TTC29: variants seen among roughly 807,000 people sequenced by gnomAD.
The protein encoded by TTC29 is tetratricopeptide repeat protein 29.
Under a neutral mutation model 58.1 loss-of-function variants are expected in TTC29, and 49 were observed. The ratio of observed to expected loss-of-function variants is 0.84; its 90% CI spans 0.67 to 1.07. TTC29 has a LOEUF of 1.07. Among genes scored for constraint, TTC29 ranks in the 50% least tolerant of loss-of-function variants. TTC29 has a pLI of 0.00. For synonymous variants in TTC29, 209 were observed against 196.8 expected (o/e 1.06, Z -0.52); for missense variants, 582 against 555.6 (o/e 1.05, Z -0.48).
At chr4:146,746,186 G>T (rs1194957223) in intron 11 of TTC29, among the ~76,000 whole-genome samples, 1 of 152,060 alleles carries the variant, frequency 6.6e-6, no homozygotes, top group Non-Finnish European at 1.5e-5. Context: ...TTTGTGAACA[G>T]CAGTAGTCAC....
chr4:146,895,548 G>C (rs534529714), intron 6 of TTC29, among the ~76,000 whole-genome samples: 1 of 152,200 alleles, frequency 6.6e-6, no homozygotes, highest in East Asian at 1.9e-4. Context: ...TCTCAAGGAG[G>C]GTGATCTTTG....
chr4:146,750,868 A>G (rs1390796995), intron 11 of TTC29, among the ~76,000 whole-genome samples: 1 of 152,236 alleles, frequency 6.6e-6, no homozygotes, highest in Non-Finnish European at 1.5e-5. Context: ...CTTTACCTAT[A>G]TCGATAATAA....
At chr4:146,804,803 G>T (rs1048472778) in intron 10 of TTC29, among the ~76,000 whole-genome samples, 3 of 152,196 alleles carry the variant, frequency 2.0e-5, no homozygotes, top group Non-Finnish European at 4.4e-5. Flanking sequence ...GGCTGTGGGC[G>T]CAGCTTCAGC....
chr4:146,753,145 C>G (rs1371030531), intron 11 of TTC29, among the ~76,000 whole-genome samples: 2 of 152,054 alleles, frequency 1.3e-5, no homozygotes, highest in African/African-American at 2.4e-5. Context: ...TTTTTGCAAC[C>G]TACTCATCTG....
chr4:146,813,243 G>A (rs1305672319), intron 10 of TTC29, among the ~76,000 whole-genome samples: 1 of 152,112 alleles, frequency 6.6e-6, no homozygotes, highest in Non-Finnish European at 1.5e-5. Context: ...TTTAGCGTTG[G>A]AACCACCATT....
intron 7 of TTC29, among the ~76,000 whole-genome samples, chr4:146,873,146 C>T (rs1731043497): frequency 6.6e-6 from 1 of 152,076 alleles, no homozygotes. Flanking sequence ...GTGTCAGTAT[C>T]GCTTAAATAC....
intron 6 of TTC29, among the ~76,000 whole-genome samples, chr4:146,893,223 G>T (rs1240013608): frequency 6.6e-6 from 1 of 152,090 alleles, no homozygotes; most frequent in East Asian, 1.9e-4. Flanking sequence ...GCATCACCAA[G>T]TCAATCCTAA....
At chr4:146,769,242 C>T (rs1356004076) in intron 11 of TTC29, among the ~76,000 whole-genome samples, 1 of 151,956 alleles carries the variant, frequency 6.6e-6, no homozygotes, top group Admixed American at 6.6e-5. Context: ...AAATGTCAAT[C>T]TTTTGCTGTA....
At chr4:146,903,070 A>G (rs1733262423) in intron 6 of TTC29, among the ~76,000 whole-genome samples, 1 of 151,970 alleles carries the variant, frequency 6.6e-6, no homozygotes, top group Non-Finnish European at 1.5e-5. Flanking sequence ...GTTGTTTTAG[A>G]TTTTGGCTTG....
chr4:146,889,712 T>C (rs1246029523), intron 6 of TTC29, among the ~76,000 whole-genome samples: 1 of 152,198 alleles, frequency 6.6e-6, no homozygotes, highest in Non-Finnish European at 1.5e-5. Context: ...TCAATTTTGA[T>C]GTGACATCTT....
In TTC29 at chr4:146,753,898, C is replaced by T. The variant is rs1010003328; in HGVS notation, c.1331-46347G>A. On this transcript the variant is annotated intron_variant, in intron 11 of 12. Transcript: ENST00000325106. Reference sequence around the variant, plus strand: ...GAAGGGGAACATCACACGCCAGGGACTGTTGTGGGGTGGGGGAAGGGGGGA... The same window carrying T: ...GAAGGGGAACATCACACGCCAGGGATTGTTGTGGGGTGGGGGAAGGGGGGA... 4.7e-5 allele frequency among the ~76,000 whole-genome samples: 7 copies of T among 149,456 alleles called. 1 individual carries two copies. In the South Asian group the frequency reaches 1.5e-3, roughly 32 times the overall value.
At chr4:146,883,349 C>T (rs545960340) in intron 6 of TTC29, among the ~76,000 whole-genome samples, 1 of 151,974 alleles carries the variant, frequency 6.6e-6, no homozygotes, top group Non-Finnish European at 1.5e-5. Context: ...TGCCTGGTGC[C>T]TCACAGACAT....
chr4:146,905,542 A>C (rs1392572494), intron 5 of TTC29, among the ~76,000 whole-genome samples: 1 of 151,984 alleles, frequency 6.6e-6, no homozygotes, highest in Non-Finnish European at 1.5e-5. Flanking sequence ...TATTAAATAT[A>C]AAAGAATATA....
chr4:146,721,224 T>TAA (rs1425096807), intron 11 of TTC29, among the ~76,000 whole-genome samples: 1 of 152,154 alleles, frequency 6.6e-6, no homozygotes, highest in Admixed American at 6.6e-5. Context: ...GTTTCCATGG[T>TAA]AGGACTCAGG....
intron 11 of TTC29, among the ~76,000 whole-genome samples, chr4:146,789,104 C>A (rs1402385215): frequency 6.6e-6 from 1 of 152,012 alleles, no homozygotes; most frequent in Non-Finnish European, 1.5e-5. Flanking sequence ...TAAAAATACA[C>A]TTTGTTGAGG....
chr4:146,908,913 T>C, intron 5 of TTC29, 113 bp downstream of exon 5: 1 of 862,206 alleles, frequency 1.2e-6, no homozygotes. Context: ...TGGGTTGAAG[T>C]GTGCTAAGTT....
chr4:146,924,547 T>C (rs1234651277), intron 4 of TTC29, among the ~76,000 whole-genome samples: 3 of 151,956 alleles, frequency 2.0e-5, no homozygotes, highest in African/African-American at 7.2e-5. Flanking sequence ...ATAAAGTTTA[T>C]CTCCTAGTAA....
intron 11 of TTC29, among the ~76,000 whole-genome samples, chr4:146,711,875 T>A (rs992031208): frequency 6.6e-6 from 1 of 152,102 alleles, no homozygotes; most frequent in Admixed American, 6.6e-5. Context: ...TAATGGCACA[T>A]CTACAATGGC....
chr4:146,715,867 T>C (rs1742891776), intron 11 of TTC29, among the ~76,000 whole-genome samples: 1 of 152,176 alleles, frequency 6.6e-6, no homozygotes, highest in Non-Finnish European at 1.5e-5. Context: ...TATCAAAATA[T>C]CATCCTGTAT....
Sources: gnomAD v4.1 joint callset for allele counts (sites outside exome capture counted in the v4.1 genomes callset) on GRCh38, gnomAD v4.1.1 for gene constraint, MANE v1.5 for transcripts, NCBI Gene and HGNC (gene_info 2026-07-23, HGNC 2026-07-21) for gene names.